The following OR51Q1 variants were observed in gnomAD, a reference collection of about 807,000 sequenced individuals.
OR51Q1 encodes olfactory receptor 51Q1.
For missense variants in OR51Q1, 501 were observed against 397.1 expected (o/e 1.26, Z -2.22); for synonymous variants, 187 against 151.7 (o/e 1.23, Z -1.71).
chr11:5,422,256 T>A lies in OR51Q1; in HGVS notation c.56T>A (p.Ile19Asn). The change falls in exon 1 of 1, where the codon ATC becomes AAC. Residue 19 changes from isoleucine to asparagine, a missense_variant. Coordinates refer to ENST00000300778, the MANE Select transcript of OR51Q1 (RefSeq NM_001004757.2). ...GGCATCTACTTCATCCTCACGGACATCCCTGGATTTGAGGCCTCCCACATC... is the reference window on the plus strand; with the variant it reads ...GGCATCTACTTCATCCTCACGGACAACCCTGGATTTGAGGCCTCCCACATC... The part of the protein sequence containing the change: ...QEGIYFILTD[I>N]PGFEASHIWI... 2 of 1,614,044 alleles carry A rather than the reference T, an allele frequency of 1.2e-6. No individual in the cohort carries two copies.
Position 5,422,810 on chromosome 11 carries a change from C to G in OR51Q1, c.610C>G (p.Leu204Val). 6.2e-7 allele frequency: 1 copy of G among 1,614,144 alleles called. No homozygotes were observed. Among genetic ancestry groups the G allele is most frequent in the Non-Finnish European group, 8.5e-7 (1 of 1,180,028 alleles). The change falls in exon 1 of 1, where the codon CTT (leucine) becomes GTT (valine). Residue 204 changes from leucine to valine, a missense_variant. By Grantham distance (32) the Leu-to-Val change is conservative (BLOSUM62 1). Coordinates refer to ENST00000300778, the MANE Select transcript of OR51Q1 (RefSeq NM_001004757.2). The stretch of plus-strand genomic sequence containing the variant: ...GCTCAACAGCTGGTATGGATTTGCT[C>G]TTGCCTTGCTCATTATTATCGTGGA... ...IRLNSWYGFA[L>V]ALLIIIVDPL...
At position 5,422,685 on chromosome 11, in the gene OR51Q1, T is replaced by C. The variant is rs753152055; in HGVS notation, c.485T>C (p.Leu162Pro). Residue 162 changes from leucine (L) to proline (P), a missense_variant, in exon 1 of 1, where the codon CTT becomes CCT. Transcript: ENST00000300778. ...TGTGTTCTGGCGGTTCTTCCCTCCC[T>C]TTTCTTACTCAAGCGACTGCCTTTC... ...CCCVLAVLPS[L>P]FLLKRLPFCH... The C allele has an allele frequency of 6.2e-7, 1 of 1,614,088 alleles. No individual in the cohort carries two copies. Among genetic ancestry groups the C allele is most frequent in the Admixed American group, 1.7e-5 (1 of 60,012 alleles).
In OR51Q1 at chr11:5,422,828, A is replaced by T; in HGVS notation, c.628A>T (p.Ile210Phe). Residue 210 changes from isoleucine (I) to phenylalanine (F), a missense_variant, in exon 1 of 1, where the codon ATC (isoleucine) becomes TTC (phenylalanine). Physicochemically the swap from Ile to Phe is conservative, Grantham distance 21. Transcript: ENST00000300778. ...ATTTGCTCTTGCCTTGCTCATTATT[A>T]TCGTGGATCCTCTGCTCATTGTGAT... ...YGFALALLII[I>F]VDPLLIVISY... 6.2e-7 allele frequency: 1 copy of T among 1,611,988 alleles called. No individual in the cohort carries two copies. Among genetic ancestry groups the T allele is most frequent in the South Asian group, 1.1e-5 (1 of 91,048 alleles).
Position 5,422,641 on chromosome 11 carries a change from G to A in OR51Q1, c.441G>A (p.Gly147=). The A allele has an allele frequency of 6.2e-7, 1 of 1,614,042 alleles. No individual in the cohort carries two copies. The highest frequency in any genetic ancestry group is 8.5e-7 in the Non-Finnish European group (1 of 1,179,990). The change falls in exon 1 of 1, where the codon GGG becomes GGA. Residue 147 remains glycine, a synonymous_variant. Transcript: ENST00000300778. ...ILTNEVIGRT[G]LAIICCCVLA... is the part of the protein sequence containing the mutation. ...CCAATGAAGTCATTGGTAGAACTGG[G>A]TTAGCCATCATTTGCTGCTGTGTTC...
At position 5,422,224 on chromosome 11, in the gene OR51Q1, A is replaced by C. The variant is rs760290130; in HGVS notation, c.24A>C (p.Thr8=). The stretch of plus-strand genomic sequence containing the variant: ...TCATGTCCCAGGTGACTAACACCAC[A>C]CAAGAAGGCATCTACTTCATCCTCA... MSQVTNT[T]QEGIYFILTD... is the part of the protein sequence containing the mutation. The change falls in exon 1 of 1, where the codon ACA becomes ACC. Residue 8 remains threonine (T), a synonymous_variant. Coordinates refer to ENST00000300778, the MANE Select transcript of OR51Q1 (RefSeq NM_001004757.2). 3.1e-6 allele frequency: 5 copies of C among 1,612,158 alleles called. No homozygotes were observed. The highest frequency in any genetic ancestry group is 4.2e-6 in the Non-Finnish European group (5 of 1,178,938).
chr11:5,422,632 T>C lies in OR51Q1; in HGVS notation c.432T>C (p.Gly144=). ...CCATCCTCACCAATGAAGTCATTGG[T>C]AGAACTGGGTTAGCCATCATTTGCT... ...YASILTNEVI[G]RTGLAIICCC... Residue 144 remains glycine, a synonymous_variant, in exon 1 of 1, where the codon GGT becomes GGC. Transcript: ENST00000300778. The C allele has an allele frequency of 6.2e-7, 1 of 1,614,100 alleles. No individual in the cohort carries two copies. Among genetic ancestry groups the C allele is most frequent in the Non-Finnish European group, 8.5e-7 (1 of 1,179,970 alleles).
In OR51Q1 at chr11:5,422,402, C is replaced by G; in HGVS notation, c.202C>G (p.Leu68Val). ...HQRMYLFLSM[L>V]ALTDLGLTLT... Reference sequence around the variant, plus strand: ...GCGCATGTATCTGTTTCTCTCCATGCTGGCCCTGACGGACCTGGGTCTCAC... The same window carrying G: ...GCGCATGTATCTGTTTCTCTCCATGGTGGCCCTGACGGACCTGGGTCTCAC... Residue 68 changes from leucine to valine, a missense_variant, in exon 1 of 1, where the codon CTG (leucine) becomes GTG (valine). Physicochemically the swap from Leu to Val is conservative, Grantham distance 32 (BLOSUM62 1). Coordinates refer to ENST00000300778, the MANE Select transcript of OR51Q1 (RefSeq NM_001004757.2). 1.9e-6 allele frequency: 3 copies of G among 1,614,158 alleles called. No individual in the cohort carries two copies. Among genetic ancestry groups the G allele is most frequent in the Non-Finnish European group, 2.5e-6 (3 of 1,179,996 alleles).
chr11:5,422,194 A>G lies in OR51Q1; in HGVS notation c.-7A>G. 6.3e-7 allele frequency: 1 copy of G among 1,586,892 alleles called. No individual in the cohort carries two copies. Among genetic ancestry groups the G allele is most frequent in the Non-Finnish European group, 8.6e-7 (1 of 1,164,118 alleles). On this transcript the variant is annotated 5_prime_UTR_variant, in exon 1 of 1. Coordinates refer to ENST00000300778, the MANE Select transcript of OR51Q1 (RefSeq NM_001004757.2). ...AGATCCTGAATCTGAAGACACATTC[A>G]TCAGTCATGTCCCAGGTGACTAACA...
Position 5,422,858 on chromosome 11 carries a change from T to C in OR51Q1, c.658T>C (p.Tyr220His), listed in dbSNP as rs780098554. The stretch of plus-strand genomic sequence containing the variant: ...GGATCCTCTGCTCATTGTGATCTCC[T>C]ATACACTTATTCTGAAAAATATCTT... ...IVDPLLIVIS[Y>H]TLILKNILGT... Residue 220 changes from tyrosine (Y) to histidine (H), a missense_variant, in exon 1 of 1, where the codon TAT becomes CAT. Tyr to His is a moderately conservative substitution (Grantham distance 83). Transcript: ENST00000300778. 18 of 1,614,188 alleles carry C rather than the reference T, an allele frequency of 1.1e-5. No homozygotes were observed. Among genetic ancestry groups the C allele is most frequent in the Non-Finnish European group, 1.5e-5 (18 of 1,180,024 alleles).
chr11:5,422,657 T>C lies in OR51Q1; in HGVS notation c.457T>C (p.Cys153Arg), dbSNP rs10838093. The C allele has an allele frequency of 0.4, 647,830 of 1,612,490 alleles. 133,693 individuals are homozygous for C. Among genetic ancestry groups the C allele is most frequent in the East Asian group, 0.68 (30,565 of 44,806 alleles). ...TAGAACTGGGTTAGCCATCATTTGCTGCTGTGTTCTGGCGGTTCTTCCCTC... is the reference window on the plus strand; with the variant it reads ...TAGAACTGGGTTAGCCATCATTTGCCGCTGTGTTCTGGCGGTTCTTCCCTC... The part of the protein sequence containing the change: ...IGRTGLAIIC[C>R]CVLAVLPSLF... Residue 153 changes from cysteine to arginine, a missense_variant, in exon 1 of 1, where the codon TGC (cysteine) becomes CGC (arginine). Physicochemically the swap from Cys to Arg is radical, Grantham distance 180. Transcript: ENST00000300778.
chr11:5,422,225 CAAGAAGG>C lies in OR51Q1; in HGVS notation c.26_32del (p.Gln9ProfsTer60). On this transcript the variant is annotated frameshift_variant, in exon 1 of 1. Transcript: ENST00000300778. LOFTEE classifies it low-confidence loss of function (END_TRUNC). ...CATGTCCCAGGTGACTAACACCACA[CAAGAAGG>C]CATCTACTTCATCCTCACGGACATC... is the stretch of plus-strand genomic sequence containing the variant. 6.2e-7 allele frequency: 1 copy of C among 1,611,980 alleles called. No homozygotes were observed. Among genetic ancestry groups the C allele is most frequent in the African/African-American group, 1.3e-5 (1 of 75,028 alleles).
rs779940856 is a variant in OR51Q1 at position 5,422,592 on chromosome 11, C to CGAGG, written c.392_393insGAGG (p.Leu132ArgfsTer11). 3.7e-6 allele frequency: 6 copies of CGAGG among 1,613,944 alleles called. No homozygotes were observed. The African/African-American group carries it at 6.7e-5, about 18-fold the overall frequency. On this transcript the variant is annotated frameshift_variant, in exon 1 of 1. Coordinates refer to ENST00000300778, the MANE Select transcript of OR51Q1 (RefSeq NM_001004757.2). LOFTEE classifies it low-confidence loss of function (END_TRUNC). ...GACTGCTATGTGGCCATCTGCTGTC[C>CGAGG]CCTCCATTATGCCTCCATCCTCACC...
chr11:5,422,305 T>C lies in OR51Q1; in HGVS notation c.105T>C (p.Cys35=). 1 of 1,614,008 alleles carries C rather than the reference T, an allele frequency of 6.2e-7. No homozygotes were observed. Among genetic ancestry groups the C allele is most frequent in the Non-Finnish European group, 8.5e-7 (1 of 1,179,968 alleles). The part of the protein sequence containing the change: ...SHIWISIPVC[C]LYTISIMGNT... ...TCTGGATCTCCATCCCCGTCTGCTGTCTCTACACCATCTCCATCATGGGCA... is the reference window on the plus strand; with the variant it reads ...TCTGGATCTCCATCCCCGTCTGCTGCCTCTACACCATCTCCATCATGGGCA... Residue 35 remains cysteine, a synonymous_variant, in exon 1 of 1, where the codon TGT becomes TGC. Coordinates refer to ENST00000300778, the MANE Select transcript of OR51Q1 (RefSeq NM_001004757.2).
In OR51Q1 at chr11:5,422,478, G is replaced by C; in HGVS notation, c.278G>C (p.Arg93Thr). The C allele has an allele frequency of 6.2e-7, 1 of 1,614,178 alleles. No homozygotes were observed. The highest frequency in any genetic ancestry group is 1.1e-5 in the South Asian group (1 of 91,080). ...VMQLLWFNVR[R>T]ISSEACFAQF... Reference sequence around the variant, plus strand: ...CAGCTTCTCTGGTTCAACGTTCGTAGAATCAGCTCTGAGGCCTGTTTTGCT... The same window carrying C: ...CAGCTTCTCTGGTTCAACGTTCGTACAATCAGCTCTGAGGCCTGTTTTGCT... The change falls in exon 1 of 1, where the codon AGA (arginine) becomes ACA (threonine). Residue 93 changes from arginine (R) to threonine (T), a missense_variant. Transcript: ENST00000300778.
Position 5,422,797 on chromosome 11 carries a change from G to T in OR51Q1, c.597G>T (p.Trp199Cys). ...GTGCTGACATCAGGCTCAACAGCTG[G>T]TATGGATTTGCTCTTGCCTTGCTCA... ...LVCADIRLNS[W>C]YGFALALLII... Residue 199 changes from tryptophan to cysteine, a missense_variant, in exon 1 of 1, where the codon TGG (tryptophan) becomes TGT (cysteine). Trp to Cys is a radical substitution (Grantham distance 215). Transcript: ENST00000300778. 1 of 1,614,122 alleles carries T rather than the reference G, an allele frequency of 6.2e-7. No individual in the cohort carries two copies. Among genetic ancestry groups the T allele is most frequent in the Middle Eastern group, 1.6e-4 (1 of 6,062 alleles).
Position 5,423,039 on chromosome 11 carries a change from A to G in OR51Q1, c.839A>G (p.Asn280Ser), listed in dbSNP as rs150799476. The G allele has an allele frequency of 2.4e-5, 39 of 1,613,986 alleles. No homozygotes were observed. Among genetic ancestry groups the G allele is most frequent in the East Asian group, 1.1e-4 (5 of 44,882 alleles). Reference protein sequence around the residue: ...ASPLVHVIMANIYLLAPPVMN... With the variant: ...ASPLVHVIMASIYLLAPPVMN... ...CCACTGGTCCATGTTATCATGGCCA[A>G]TATCTACCTGCTGGCACCCCCGGTG... The change falls in exon 1 of 1, where the codon AAT becomes AGT. Residue 280 changes from asparagine (N) to serine (S), a missense_variant. Transcript: ENST00000300778.
chr11:5,422,902 TGA>T lies in OR51Q1; in HGVS notation c.704_705del (p.Glu235AlafsTer7), dbSNP rs749259048. ...KNILGTATWA[E>X]RLRALNNCLS... ...ATATCTTGGGCACAGCCACCTGGGC[TGA>T]GCGACTCCGTGCCCTCAATAACTGC... On this transcript the variant is annotated frameshift_variant, in exon 1 of 1. Coordinates refer to ENST00000300778, the MANE Select transcript of OR51Q1 (RefSeq NM_001004757.2). LOFTEE classifies it low-confidence loss of function (END_TRUNC). The T allele has an allele frequency of 6.2e-6, 10 of 1,614,146 alleles. No individual in the cohort carries two copies. Among genetic ancestry groups the T allele is most frequent in the Non-Finnish European group, 6.8e-6 (8 of 1,180,004 alleles).
Position 5,422,700 on chromosome 11 carries a change from G to C in OR51Q1, c.500G>C (p.Arg167Pro), listed in dbSNP as rs902821136. The change falls in exon 1 of 1, where the codon CGA becomes CCA. Residue 167 changes from arginine to proline, a missense_variant. Arg to Pro is a moderately radical substitution (Grantham distance 103, BLOSUM62 -2). Transcript: ENST00000300778. Reference sequence around the variant, plus strand: ...CTTCCCTCCCTTTTCTTACTCAAGCGACTGCCTTTCTGCCACTCCCACCTT... The same window carrying C: ...CTTCCCTCCCTTTTCTTACTCAAGCCACTGCCTTTCTGCCACTCCCACCTT... ...AVLPSLFLLK[R>P]LPFCHSHLLS... is the part of the protein sequence containing the mutation. The C allele has an allele frequency of 1.9e-6, 3 of 1,613,800 alleles. No individual in the cohort carries two copies. The highest frequency in any genetic ancestry group is 2.5e-6 in the Non-Finnish European group (3 of 1,179,986).
Position 5,423,149 on chromosome 11 carries a change from A to G in OR51Q1, c.949A>G (p.Arg317Gly), listed in dbSNP as rs943729214. The G allele has an allele frequency of 5.0e-6, 8 of 1,585,626 alleles. No homozygotes were observed. In the Admixed American group the frequency reaches 6.8e-5, roughly 13 times the overall value. Reference sequence around the variant, plus strand: ...CCTTTCCCTCAAAAATATGCATTCAAGATGAGGGAATGCATTTCTTAAATT... The same window carrying G: ...CCTTTCCCTCAAAAATATGCATTCAGGATGAGGGAATGCATTTCTTAAATT... ...NFLSLKNMHS[R>G] The change falls in exon 1 of 1, where the codon AGA (arginine) becomes GGA (glycine). Residue 317 changes from arginine to glycine, a missense_variant. Coordinates refer to ENST00000300778, the MANE Select transcript of OR51Q1 (RefSeq NM_001004757.2).
Sources: gnomAD v4.1 joint callset for allele counts on GRCh38, gnomAD v4.1.1 for gene constraint, MANE v1.5 for transcripts, NCBI Gene and HGNC (gene_info 2026-07-23, HGNC 2026-07-21) for gene names.